TNPO1: variants seen among roughly 807,000 people sequenced by gnomAD.
TNPO1 encodes the protein transportin-1.
Under a neutral mutation model 119.5 loss-of-function variants are expected in TNPO1, and 8 were observed. That is an observed-to-expected ratio of 0.07 (90% CI 0.04 to 0.12). TNPO1 has a LOEUF of 0.12. Ranked by LOEUF, TNPO1 falls within the 10% of genes least tolerant of loss-of-function variation. The pLI is 1.00. For synonymous variants in TNPO1, 362 were observed against 363.0 expected, an observed-to-expected ratio of 1.00 and a Z score of 0.03; for missense variants, 576 against 1,089.8, an observed-to-expected ratio of 0.53 and a Z score of 6.64.
chr5:72,903,738 A>G lies in TNPO1; in HGVS notation c.2544A>G (p.Ala848=). The G allele has an allele frequency of 2.5e-6, 4 of 1,608,190 alleles. No individual in the cohort carries two copies. The highest frequency in any genetic ancestry group is 3.4e-6 in the Non-Finnish European group (4 of 1,177,378). The change falls in exon 23 of 25, where the codon GCA becomes GCG. Residue 848 remains alanine (A), a synonymous_variant. Coordinates refer to ENST00000337273, the MANE Select transcript of TNPO1 (RefSeq NM_002270.4). ...QDFIFFCDAV[A]SWINPKDDLR... is the part of the protein sequence containing the mutation. ...TTATATTTTTTTGTGATGCCGTTGCATCATGGATTAACCCAAAAGATGATC... is the reference window on the plus strand; with the variant it reads ...TTATATTTTTTTGTGATGCCGTTGCGTCATGGATTAACCCAAAAGATGATC...
At chr5:72,853,462 G>C (rs1453430039) in intron 3 of TNPO1, among the ~76,000 whole-genome samples, 1 of 152,130 alleles carries the variant, frequency 6.6e-6, no homozygotes, top group Non-Finnish European at 1.5e-5. Context: ...CACACAACTT[G>C]TTAAGTAGTG....
chr5:72,884,039 T>C (rs1439563163), intron 11 of TNPO1, among the ~76,000 whole-genome samples: 1 of 152,112 alleles, frequency 6.6e-6, no homozygotes, highest in East Asian at 1.9e-4. Flanking sequence ...CGTAAGCCAC[T>C]GTGTCTGGCC....
At chr5:72,880,299 A>G (rs1748140555) in intron 9 of TNPO1, among the ~76,000 whole-genome samples, 1 of 152,050 alleles carries the variant, frequency 6.6e-6, no homozygotes, top group Non-Finnish European at 1.5e-5. Flanking sequence ...TATTTTTATT[A>G]TTGAACATTA....
At chr5:72,881,667 A>G (rs549730476) in intron 9 of TNPO1, among the ~76,000 whole-genome samples, 2 of 152,288 alleles carry the variant, frequency 1.3e-5, no homozygotes, top group African/African-American at 2.4e-5. Context: ...CTCTTTTGAT[A>G]TTCTCTTAAT....
Position 72,914,368 on chromosome 5 carries a change from TAATA to T in TNPO1, c.*5698_*5701del, listed in dbSNP as rs1750747037. ...AATGTTAATCACTGCTTGACTATGT[TAATA>T]AAGTTGTTTAACTATAGATGTTGCA... On this transcript the variant is annotated 3_prime_UTR_variant, in exon 25 of 25. Coordinates refer to ENST00000337273, the MANE Select transcript of TNPO1 (RefSeq NM_002270.4). 6.6e-6 allele frequency: 1 copy of T among 152,608 alleles called. No individual in the cohort carries two copies. Among genetic ancestry groups the T allele is most frequent in the Non-Finnish European group, 1.5e-5 (1 of 68,004 alleles). The allele number at this position is 152,608 out of a possible 1,614,324, so 9.5% of individuals were successfully genotyped here.
intron 2 of TNPO1, 58 bp from the exon 3 acceptor site, chr5:72,851,186 T>C: frequency 9.4e-7 from 1 of 1,061,540 alleles, no homozygotes; most frequent in East Asian, 2.4e-5. Context: ...AGATTTAAAA[T>C]GCTTAATTTC....
intron 8 of TNPO1, 56 bp downstream of exon 8, chr5:72,875,793 G>A: frequency 6.4e-7 from 1 of 1,552,114 alleles, no homozygotes; most frequent in East Asian, 2.3e-5. Context: ...AGAAATACTA[G>A]ATAGAAAATA....
chr5:72,858,429 C>G (rs927455196), intron 4 of TNPO1, among the ~76,000 whole-genome samples: 1 of 152,186 alleles, frequency 6.6e-6, no homozygotes, highest in Non-Finnish European at 1.5e-5. Flanking sequence ...GTCCCTCCTG[C>G]CTTCACACCC....
At chr5:72,864,564 A>G (rs889596498) in intron 5 of TNPO1, among the ~76,000 whole-genome samples, 1 of 152,166 alleles carries the variant, frequency 6.6e-6, no homozygotes, top group African/African-American at 2.4e-5. Flanking sequence ...TTACCCAGTG[A>G]ATACTTTTAT....
At position 72,883,086 on chromosome 5, in the gene TNPO1, C is replaced by T. The variant is rs769059115; in HGVS notation, c.1004C>T (p.Thr335Met). Residue 335 changes from threonine (T) to methionine (M), a missense_variant, in exon 11 of 25, where the codon ACG (threonine) becomes ATG (methionine). Physicochemically the swap from Thr to Met is moderately conservative, Grantham distance 81 (BLOSUM62 -1). Around this residue, in one of 6 missense-constraint regions of TNPO1, gnomAD observed 310 missense variants for 583.0 expected, o/e 0.53. Transcript: ENST00000337273. ...CAGGGTGATGTTGAAGAAGACGAAA[C>T]GATTCCTGATAGTGAACAGGATATA... is the stretch of plus-strand genomic sequence containing the variant. The part of the protein sequence containing the change: ...LLKGDVEEDE[T>M]IPDSEQDIRP... 4.3e-6 allele frequency: 7 copies of T among 1,612,738 alleles called. No homozygotes were observed. In the Admixed American group the frequency reaches 1.0e-4, roughly 23 times the overall value.
At chr5:72,902,830 A>T (rs1384397076) in intron 22 of TNPO1, among the ~76,000 whole-genome samples, 9 of 152,190 alleles carry the variant, frequency 5.9e-5, no homozygotes, top group African/African-American at 2.2e-4. Context: ...CTGTGCATTT[A>T]AATTTTTAAC....
intron 4 of TNPO1, among the ~76,000 whole-genome samples, chr5:72,857,511 G>A (rs1475684917): frequency 6.6e-6 from 1 of 152,186 alleles, no homozygotes; most frequent in Non-Finnish European, 1.5e-5. Flanking sequence ...TTACTCTAAT[G>A]TACTCTTACG....
intron 4 of TNPO1, among the ~76,000 whole-genome samples, chr5:72,860,839 G>C (rs1285325418): frequency 6.6e-6 from 1 of 152,022 alleles, no homozygotes; most frequent in Non-Finnish European, 1.5e-5. Flanking sequence ...AGACTCATAA[G>C]TTTATCACCC....
At chr5:72,846,987 A>G (rs767509471) in intron 1 of TNPO1, among the ~76,000 whole-genome samples, 12 of 152,226 alleles carry the variant, frequency 7.9e-5, no homozygotes, top group Admixed American at 3.3e-4. Context: ...GAAGACTAGA[A>G]TAAAAGCACT....
At position 72,908,982 on chromosome 5, in the gene TNPO1, CAG is replaced by C. The variant is rs1295018926; in HGVS notation, c.*310_*311del. On this transcript the variant is annotated 3_prime_UTR_variant, in exon 25 of 25. Transcript: ENST00000337273. ...AAATCTATTCAGTCTACTCACAAAACAGTACATTGTGGAATATTATGGGGAAT... is the reference window on the plus strand; with the variant it reads ...AAATCTATTCAGTCTACTCACAAAACTACATTGTGGAATATTATGGGGAAT... 1.4e-5 allele frequency: 6 copies of C among 434,014 alleles called. No homozygotes were observed. 26.9% of individuals were successfully genotyped at this position (434,014 alleles called of 1,614,324 possible).
intron 20 of TNPO1, among the ~76,000 whole-genome samples, chr5:72,899,777 TTTTG>T (rs1257555373): frequency 2.0e-5 from 3 of 152,172 alleles, no homozygotes; most frequent in Admixed American, 6.5e-5. Context: ...TTTTAATTCC[TTTTG>T]TTTTTCTTTT....
chr5:72,886,776 C>T (rs1748671918), intron 11 of TNPO1, among the ~76,000 whole-genome samples: 3 of 150,892 alleles, frequency 2.0e-5, no homozygotes, highest in Non-Finnish European at 4.4e-5. Flanking sequence ...GTAATCCCAG[C>T]TACTCAGGGG....
At chr5:72,840,617 A>T (rs1744868709) in intron 1 of TNPO1, among the ~76,000 whole-genome samples, 1 of 152,206 alleles carries the variant, frequency 6.6e-6, no homozygotes, top group Non-Finnish European at 1.5e-5. Flanking sequence ...GCTAAAGTAT[A>T]GGAAGTGTCT....
chr5:72,834,242 T>C (rs1403559434), intron 1 of TNPO1, among the ~76,000 whole-genome samples: 2 of 152,248 alleles, frequency 1.3e-5, no homozygotes, highest in East Asian at 1.9e-4. Flanking sequence ...ATAACTATTA[T>C]TGGTTCATGT....
Sources: allele counts gnomAD v4.1 joint callset (sites outside exome capture counted in the v4.1 genomes callset), GRCh38; gene constraint gnomAD v4.1.1; regional missense constraint gnomAD v4.1.1; transcripts MANE v1.5; gene names NCBI Gene and HGNC (gene_info 2026-07-23, HGNC 2026-07-21).